Variants in RNF180 observed in about 807,000 individuals in gnomAD.
RNF180 encodes the protein ring finger protein 180.
A neutral mutation model predicts 59.2 loss-of-function variants in RNF180; 38 were observed. The ratio of observed to expected loss-of-function variants is 0.64; its 90% CI spans 0.50 to 0.84. The LOEUF is 0.84. Ranked by LOEUF, RNF180 falls within the 40% of genes least tolerant of loss-of-function variation. RNF180 has a pLI of 0.00. For missense variants in RNF180, 705 were observed against 700.9 expected, an observed-to-expected ratio of 1.01 and a Z score of -0.07; for synonymous variants, 262 against 240.3, an observed-to-expected ratio of 1.09 and a Z score of -0.84.
In RNF180 at chr5:64,372,235, G is replaced by T. The variant is rs1466221476; in HGVS notation, c.*2421G>T. The T allele has an allele frequency of 6.6e-6, 1 of 151,564 alleles. No homozygotes were observed. The highest frequency in any genetic ancestry group is 1.5e-5 in the Non-Finnish European group (1 of 67,792). The allele number at this position is 151,564 out of a possible 1,614,324, so 9.4% of individuals were successfully genotyped here. ...GTATATTTCTGAATAGTTTCAGCAG[G>T]TTATTTTTTAATTTTAAAAAAGCAA... On this transcript the variant is annotated 3_prime_UTR_variant, in exon 8 of 8. Coordinates refer to ENST00000389100, the MANE Select transcript of RNF180 (RefSeq NM_001113561.2).
At chr5:64,286,491 G>T (rs1329282685) in intron 5 of RNF180, among the ~76,000 whole-genome samples, 2 of 152,072 alleles carry the variant, frequency 1.3e-5, no homozygotes, top group Non-Finnish European at 2.9e-5. Flanking sequence ...TAGATAAGGG[G>T]GAACAATTAT....
intron 5 of RNF180, among the ~76,000 whole-genome samples, chr5:64,267,561 T>C (rs1744754777): frequency 6.6e-6 from 1 of 151,272 alleles, no homozygotes; most frequent in African/African-American, 2.4e-5. Flanking sequence ...GTCCATGTGA[T>C]CTCATTGTTC....
At chr5:64,305,212 C>T (rs1305186716) in intron 5 of RNF180, among the ~76,000 whole-genome samples, 3 of 151,486 alleles carry the variant, frequency 2.0e-5, no homozygotes, top group Non-Finnish European at 3.0e-5. Context: ...TTACTAAACC[C>T]GCAGTGTCTC....
chr5:64,218,664 T>C (rs761998644), intron 5 of RNF180, among the ~76,000 whole-genome samples: 2 of 152,212 alleles, frequency 1.3e-5, no homozygotes, highest in South Asian at 2.1e-4. Flanking sequence ...TTGGGGAGAA[T>C]TGAAATCTTT....
chr5:64,227,891 T>C (rs1226095689), intron 5 of RNF180, among the ~76,000 whole-genome samples: 1 of 152,212 alleles, frequency 6.6e-6, no homozygotes, highest in Non-Finnish European at 1.5e-5. Flanking sequence ...CAACCTGTTT[T>C]TCTCTCTCAT....
At chr5:64,187,631 G>T (rs564747659) in intron 1 of RNF180, among the ~76,000 whole-genome samples, 4 of 152,246 alleles carry the variant, frequency 2.6e-5, no homozygotes, top group Admixed American at 2.6e-4. Flanking sequence ...TGACAGTTTA[G>T]AAATCACCTG....
chr5:64,199,521 G>A (rs1751624411), intron 1 of RNF180, among the ~76,000 whole-genome samples: 1 of 152,146 alleles, frequency 6.6e-6, no homozygotes, highest in African/African-American at 2.4e-5. Context: ...GTGATTCTAT[G>A]TGCTACAGTT....
chr5:64,273,853 G>A (rs1033239773), intron 5 of RNF180, among the ~76,000 whole-genome samples: 6 of 151,936 alleles, frequency 3.9e-5, no homozygotes, highest in African/African-American at 1.2e-4. Flanking sequence ...GAAAGGAATG[G>A]TGAAGGTTTC....
chr5:64,224,823 G>T (rs1285034673), intron 5 of RNF180, among the ~76,000 whole-genome samples: 1 of 152,178 alleles, frequency 6.6e-6, no homozygotes, highest in Non-Finnish European at 1.5e-5. Flanking sequence ...TAGGCCTGAG[G>T]ACTCCTTCTT....
At chr5:64,247,782 A>G (rs190663993) in intron 5 of RNF180, among the ~76,000 whole-genome samples, 163 of 152,356 alleles carry the variant, frequency 1.1e-3, no homozygotes, top group Non-Finnish European at 1.8e-3. Context: ...TGGAACCAAG[A>G]TGGAGCCTGA....
At chr5:64,270,111 T>C (rs1376248321) in intron 5 of RNF180, among the ~76,000 whole-genome samples, 1 of 152,102 alleles carries the variant, frequency 6.6e-6, no homozygotes, top group African/African-American at 2.4e-5. Flanking sequence ...GATTCTAATA[T>C]CTTTTCATAG....
chr5:64,283,667 A>T (rs116556001), intron 5 of RNF180, among the ~76,000 whole-genome samples: 7 of 151,908 alleles, frequency 4.6e-5, no homozygotes, highest in African/African-American at 7.3e-5. Flanking sequence ...CCATGCTTGC[A>T]CTTCTCCTTC....
At chr5:64,218,826 T>C (rs550601465) in intron 5 of RNF180, among the ~76,000 whole-genome samples, 45 of 152,326 alleles carry the variant, frequency 3.0e-4, no homozygotes, top group Non-Finnish European at 4.3e-4. Flanking sequence ...AGAGGAGTTA[T>C]TGTTATTTAA....
chr5:64,168,818 C>T (rs1247059177), intron 1 of RNF180, among the ~76,000 whole-genome samples: 1 of 151,984 alleles, frequency 6.6e-6, no homozygotes, highest in Non-Finnish European at 1.5e-5. Context: ...ACACCGATGT[C>T]AAAAGAAAAA....
At chr5:64,245,257 C>A (rs569092190) in intron 5 of RNF180, among the ~76,000 whole-genome samples, 1 of 152,302 alleles carries the variant, frequency 6.6e-6, no homozygotes, top group South Asian at 2.1e-4. Context: ...GGATCAAATT[C>A]ACACATAACA....
intron 7 of RNF180, among the ~76,000 whole-genome samples, chr5:64,346,312 AAAAC>A (rs1322120182): frequency 6.6e-6 from 1 of 151,660 alleles, no homozygotes; most frequent in Non-Finnish European, 1.5e-5. Flanking sequence ...TTTTGAAACA[AAAAC>A]AATTCCGGCT....
chr5:64,305,421 C>CT (rs1449222831), intron 5 of RNF180, among the ~76,000 whole-genome samples: 2 of 151,040 alleles, frequency 1.3e-5, no homozygotes, highest in Non-Finnish European at 3.0e-5. Context: ...CTGAGCTTAT[C>CT]TTTTTCTTGT....
At chr5:64,287,539 A>G (rs1438606264) in intron 5 of RNF180, among the ~76,000 whole-genome samples, 3 of 152,166 alleles carry the variant, frequency 2.0e-5, no homozygotes, top group Non-Finnish European at 4.4e-5. Flanking sequence ...TTACACTCCC[A>G]TCAACAGTGT....
chr5:64,212,295 C>T, intron 3 of RNF180, 135 bp downstream of exon 3: 1 of 618,822 alleles, frequency 1.6e-6, no homozygotes, highest in Non-Finnish European at 3.0e-6. Flanking sequence ...TACCTCTCTT[C>T]ACACTTCTTT....
Sources: gnomAD v4.1 joint callset for allele counts (sites outside exome capture counted in the v4.1 genomes callset) on GRCh38, gnomAD v4.1.1 for gene constraint, MANE v1.5 for transcripts, NCBI Gene and HGNC (gene_info 2026-07-23, HGNC 2026-07-21) for gene names.